INO80D: variants seen among roughly 807,000 people sequenced by gnomAD.
INO80D encodes the protein INO80 complex subunit D.
A neutral mutation model predicts 87.6 loss-of-function variants in INO80D; 21 were observed. The observed-to-expected ratio is 0.24, with a 90% CI of 0.17 to 0.35. INO80D has a LOEUF of 0.35. Ranked by LOEUF, INO80D falls within the 10% of genes least tolerant of loss-of-function variation. The pLI is 1.00. For synonymous variants in INO80D, 440 were observed against 491.0 expected (o/e 0.90, Z 1.37); for missense variants, 982 against 1,280.7 (o/e 0.77, Z 3.56).
intron 3 of INO80D, among the ~76,000 whole-genome samples, chr2:206,061,011 G>T (rs1689675447): frequency 6.6e-6 from 1 of 151,826 alleles, no homozygotes; most frequent in Admixed American, 6.6e-5. Flanking sequence ...ACTCTCACTT[G>T]AATTCTTGCC....
intron 8 of INO80D, among the ~76,000 whole-genome samples, chr2:206,015,560 G>A (rs755175839): frequency 4.6e-5 from 7 of 152,174 alleles, no homozygotes; most frequent in Non-Finnish European, 8.8e-5. Flanking sequence ...ATTGAGGCTT[G>A]GGAACCTCCG....
chr2:206,032,540 G>A (rs1464021048), intron 5 of INO80D, among the ~76,000 whole-genome samples: 3 of 152,164 alleles, frequency 2.0e-5, no homozygotes, highest in Admixed American at 6.5e-5. Flanking sequence ...AAGTTAAGAC[G>A]AAGGAAAGAA....
At chr2:206,027,360 T>C (rs918965813) in intron 6 of INO80D, among the ~76,000 whole-genome samples, 2 of 152,182 alleles carry the variant, frequency 1.3e-5, no homozygotes, top group Non-Finnish European at 2.9e-5. Flanking sequence ...TGTAATAAAA[T>C]ACTTGCACAA....
intron 5 of INO80D, among the ~76,000 whole-genome samples, chr2:206,039,810 C>CAAAAAA (rs35689223): frequency 2.0e-5 from 2 of 101,114 alleles, no homozygotes; most frequent in Non-Finnish European, 3.8e-5. Flanking sequence ...CCTCTGTCTC[C>CAAAAAA]AAAAAAAAAA....
chr2:206,020,491 A>G (rs1688431700), intron 6 of INO80D, among the ~76,000 whole-genome samples: 1 of 152,226 alleles, frequency 6.6e-6, no homozygotes, highest in Non-Finnish European at 1.5e-5. Flanking sequence ...TACATGGGGA[A>G]GAGGATACTG....
intron 8 of INO80D, among the ~76,000 whole-genome samples, chr2:206,016,948 C>A (rs1688335081): frequency 6.6e-6 from 1 of 152,182 alleles, no homozygotes; most frequent in African/African-American, 2.4e-5. Flanking sequence ...TTGTAAACTG[C>A]CCAGTCTCAG....
In INO80D at chr2:206,002,038, G is replaced by A. The variant is rs532861012; in HGVS notation, c.*2330C>T. ...AGCAGCTAACATGAGGGGACAAGTA[G>A]ACAGAAAAAGTTCAAATCGACTACC... On this transcript the variant is annotated 3_prime_UTR_variant, in exon 11 of 11. Coordinates refer to ENST00000403263, the MANE Select transcript of INO80D (RefSeq NM_017759.5). 1 of 152,314 alleles carries A rather than the reference G, an allele frequency of 6.6e-6. No individual in the cohort carries two copies. Among genetic ancestry groups the A allele is most frequent in the Admixed American group, 6.5e-5 (1 of 15,300 alleles). The allele number at this position is 152,314 out of a possible 1,614,324, so 9.4% of individuals were successfully genotyped here.
At chr2:206,082,870 C>T (rs1456489829) in intron 1 of INO80D, among the ~76,000 whole-genome samples, 1 of 152,068 alleles carries the variant, frequency 6.6e-6, no homozygotes, top group African/African-American at 2.4e-5. Flanking sequence ...TCCTTCTAAA[C>T]TAAAATTTTT....
chr2:206,078,717 C>G (rs574914294), intron 1 of INO80D, among the ~76,000 whole-genome samples: 1 of 152,128 alleles, frequency 6.6e-6, no homozygotes, highest in East Asian at 1.9e-4. Flanking sequence ...GAGGCCAAGG[C>G]AGGTGGATCA....
intron 4 of INO80D, among the ~76,000 whole-genome samples, chr2:206,051,789 C>T (rs1051558499): frequency 2.1e-4 from 32 of 152,142 alleles, no homozygotes; most frequent in African/African-American, 7.7e-4. Context: ...GCATGAGCCA[C>T]CTCGCCTGGC....
Position 206,085,151 on chromosome 2 carries a change from CA to C in INO80D, c.-124+749del, listed in dbSNP as rs1690405553. 6.6e-6 allele frequency among the ~76,000 whole-genome samples: 1 copy of C among 152,116 alleles called. No homozygotes were observed. The highest frequency in any genetic ancestry group is 1.5e-5 in the Non-Finnish European group (1 of 68,002). ...CTAGGACCAGGGCTCCCCGGAGAGACAGCGGCCCCCAGTTCGGGCCTAAAAG... is the reference window on the plus strand; with the variant it reads ...CTAGGACCAGGGCTCCCCGGAGAGACGCGGCCCCCAGTTCGGGCCTAAAAG... On this transcript the variant is annotated intron_variant, in intron 1 of 10. Transcript: ENST00000403263. This position sits in a 1 kb window ranked among gnomAD's most constrained non-coding sequence, Gnocchi z 4.5.
In INO80D at chr2:205,994,874, CAAAAAAA is replaced by C. The variant is rs11306784; in HGVS notation, c.*9487_*9493del. The C allele has an allele frequency of 2.0e-5, 2 of 98,430 alleles. No homozygotes were observed. The highest frequency in any genetic ancestry group is 4.7e-5 in the African/African-American group (1 of 21,478). 6.1% of individuals were successfully genotyped at this position (98,430 alleles called of 1,614,324 possible). A position where few individuals can be genotyped will look rare whatever the true frequency, so the allele number is the denominator to read the frequency against. ...TCAAGCACATGCAACTTGGAACTCG[CAAAAAAA>C]AAAAAAAAAGAAAGAAAGAAAGAAA... On this transcript the variant is annotated 3_prime_UTR_variant, in exon 11 of 11. Coordinates refer to ENST00000403263, the MANE Select transcript of INO80D (RefSeq NM_017759.5).
At chr2:206,066,029 G>A (rs1689807047) in intron 1 of INO80D, among the ~76,000 whole-genome samples, 1 of 152,182 alleles carries the variant, frequency 6.6e-6, no homozygotes. Context: ...GGAGGCCAGG[G>A]CAGGTGGATC....
At position 205,993,927 on chromosome 2, in the gene INO80D, CATT is replaced by C. The variant is rs1216473841; in HGVS notation, c.*10438_*10440del. ...ACCAGATAACAAAAGGAGACCAATTCATTATTATTTCATCAAATTTTTAAAACA... is the reference window on the plus strand; with the variant it reads ...ACCAGATAACAAAAGGAGACCAATTCATTATTTCATCAAATTTTTAAAACA... On this transcript the variant is annotated 3_prime_UTR_variant, in exon 11 of 11. Coordinates refer to ENST00000403263, the MANE Select transcript of INO80D (RefSeq NM_017759.5). The C allele has an allele frequency of 2.6e-5, 4 of 152,242 alleles. No homozygotes were observed. The highest frequency in any genetic ancestry group is 2.0e-4 in the Admixed American group (3 of 15,300). 9.4% of individuals were successfully genotyped at this position (152,242 alleles called of 1,614,324 possible).
chr2:206,085,236 G>A lies in INO80D; in HGVS notation c.-124+665C>T, dbSNP rs1690411726. Among the ~76,000 whole-genome samples the A allele has an allele frequency of 6.6e-6, 1 of 151,868 alleles. No individual in the cohort carries two copies. The highest frequency in any genetic ancestry group is 2.4e-5 in the African/African-American group (1 of 41,396). Reference sequence around the variant, plus strand: ...TCACCGCCCCTCCACCCGACCCCACGCCCGCCAGGCCGCCCGCCCCGCCCC... The same window carrying A: ...TCACCGCCCCTCCACCCGACCCCACACCCGCCAGGCCGCCCGCCCCGCCCC... On this transcript the variant is annotated intron_variant, in intron 1 of 10. Transcript: ENST00000403263. The surrounding 1 kb of genome is among the most constrained non-coding windows in gnomAD (Gnocchi z 4.5).
chr2:206,028,874 T>C (rs1688688436), intron 5 of INO80D, among the ~76,000 whole-genome samples: 1 of 151,886 alleles, frequency 6.6e-6, no homozygotes, highest in Non-Finnish European at 1.5e-5. Context: ...CTACCATGTA[T>C]TTTTGTTTTG....
At chr2:206,060,803 A>T (rs763350839) in intron 3 of INO80D, among the ~76,000 whole-genome samples, 1 of 151,870 alleles carries the variant, frequency 6.6e-6, no homozygotes, top group Non-Finnish European at 1.5e-5. Flanking sequence ...CAGGTGATCC[A>T]CCCACCTCGG....
At chr2:206,080,504 TA>T (rs1191640309) in intron 1 of INO80D, among the ~76,000 whole-genome samples, 3 of 152,310 alleles carry the variant, frequency 2.0e-5, no homozygotes, top group African/African-American at 7.2e-5. Flanking sequence ...GGCAAAAATA[TA>T]TTTATTTGCC....
intron 3 of INO80D, among the ~76,000 whole-genome samples, chr2:206,061,157 G>A (rs966318708): frequency 2.6e-5 from 4 of 152,000 alleles, no homozygotes; most frequent in African/African-American, 4.8e-5. Context: ...GACTCTAGGC[G>A]TGTACCACTA....
Sources: allele counts gnomAD v4.1 joint callset (sites outside exome capture counted in the v4.1 genomes callset), GRCh38; gene constraint gnomAD v4.1.1; non-coding constraint Gnocchi (gnomAD v3.1); transcripts MANE v1.5; gene names NCBI Gene and HGNC (gene_info 2026-07-23, HGNC 2026-07-21).